The following PTPRD variants were observed in gnomAD, a reference collection of about 807,000 sequenced individuals.
PTPRD encodes the protein protein tyrosine phosphatase receptor type D.
Under a neutral mutation model 214.5 loss-of-function variants are expected in PTPRD, and 34 were observed. The ratio of observed to expected loss-of-function variants is 0.16; its 90% CI spans 0.12 to 0.21. The LOEUF (loss-of-function observed/expected upper bound fraction) is 0.21. PTPRD is among the 10% of genes least tolerant of loss of function. The probability of loss-of-function intolerance (pLI) is 1.00; values close to 1 mark genes in which losing one functional copy is unlikely to be tolerated. For missense variants in PTPRD, 2,545 were observed against 2,398.7 expected, an observed-to-expected ratio of 1.06 and a Z score of -1.27; for synonymous variants, 1,128 against 845.7, an observed-to-expected ratio of 1.33 and a Z score of -5.79.
chr9:9,975,907 A>G (rs954452213), intron 4 of PTPRD, among the ~76,000 whole-genome samples: 1 of 152,214 alleles, frequency 6.6e-6, no homozygotes, highest in African/African-American at 2.4e-5. Context: ...TATTTGGCAT[A>G]CAGTATCCCT....
chr9:9,168,513 T>C (rs1269597632), intron 10 of PTPRD, among the ~76,000 whole-genome samples: 5 of 152,194 alleles, frequency 3.3e-5, no homozygotes, highest in Non-Finnish European at 1.5e-5. Flanking sequence ...CATGGTGTTA[T>C]ATACATTTTG....
At chr9:9,468,263 TATA>T (rs1489324770) in intron 8 of PTPRD, among the ~76,000 whole-genome samples, 2 of 152,044 alleles carry the variant, frequency 1.3e-5, no homozygotes, top group East Asian at 3.9e-4. Flanking sequence ...CTTCATTTCC[TATA>T]ATATTTCAAA....
At chr9:10,351,383 C>A (rs905086477) in intron 2 of PTPRD, among the ~76,000 whole-genome samples, 2 of 152,006 alleles carry the variant, frequency 1.3e-5, no homozygotes, top group Non-Finnish European at 2.9e-5. Flanking sequence ...TCTTTTACTG[C>A]CCAATTACAC....
intron 5 of PTPRD, among the ~76,000 whole-genome samples, chr9:9,846,871 G>A (rs925562947): frequency 3.3e-5 from 5 of 152,036 alleles, no homozygotes; most frequent in Non-Finnish European, 7.4e-5. Context: ...AAGCCCACAG[G>A]AGAATTAAAG....
chr9:10,313,397 T>TACACACACACACACACACACACAC (rs60788124), intron 3 of PTPRD, among the ~76,000 whole-genome samples: 3,118 of 148,350 alleles, frequency 0.021, 137 homozygotes, highest in African/African-American at 0.075. Context: ...AGGTACAGAT[T>TACACACACACACACACACACACAC]ACACACACAC....
chr9:9,041,506 G>C (rs2099639795), intron 10 of PTPRD, among the ~76,000 whole-genome samples: 1 of 152,074 alleles, frequency 6.6e-6, no homozygotes, highest in Non-Finnish European at 1.5e-5. Flanking sequence ...AAGGATAATG[G>C]CCTCTAGCTC....
At chr9:9,316,885 A>T (rs184229175) in intron 9 of PTPRD, among the ~76,000 whole-genome samples, 1 of 152,260 alleles carries the variant, frequency 6.6e-6, no homozygotes, top group East Asian at 1.9e-4. Flanking sequence ...TTGTCTCTTC[A>T]CTGAGAATAT....
At chr9:8,550,657 C>G (rs1448544737) in intron 14 of PTPRD, among the ~76,000 whole-genome samples, 1 of 152,144 alleles carries the variant, frequency 6.6e-6, no homozygotes, top group Non-Finnish European at 1.5e-5. Context: ...CTAAATAAAT[C>G]TAAATCCATA....
At chr9:10,310,377 G>A (rs575124821) in intron 3 of PTPRD, among the ~76,000 whole-genome samples, 139 of 152,048 alleles carry the variant, frequency 9.1e-4, no homozygotes, top group African/African-American at 3.1e-3. Flanking sequence ...GATTTCAGAA[G>A]TACAGAGGCT....
At chr9:10,258,759 C>T (rs1375815085) in intron 3 of PTPRD, among the ~76,000 whole-genome samples, 1 of 152,080 alleles carries the variant, frequency 6.6e-6, no homozygotes, top group Non-Finnish European at 1.5e-5. Flanking sequence ...CTCTCTTTCT[C>T]TCTCTTTCTT....
At chr9:8,321,461 TTGTGTGTGTGTG>T (rs4008233) in intron 44 of PTPRD, among the ~76,000 whole-genome samples, 34 of 86,592 alleles carry the variant, frequency 3.9e-4, no homozygotes, top group African/African-American at 1.7e-3. Context: ...GAAGTCTTCT[TTGTGTGTGTGTG>T]TGTGTGTGTG....
chr9:8,539,566 A>G (rs977853774), intron 14 of PTPRD, among the ~76,000 whole-genome samples: 1 of 152,004 alleles, frequency 6.6e-6, no homozygotes, highest in East Asian at 1.9e-4. Context: ...AGGCTTACAG[A>G]AACAACCTTG....
chr9:9,550,789 G>T (rs1000147828), intron 8 of PTPRD, among the ~76,000 whole-genome samples: 5 of 151,662 alleles, frequency 3.3e-5, no homozygotes, highest in Non-Finnish European at 7.4e-5. Context: ...AGGAGCAAAA[G>T]ACATGAACAG....
chr9:8,817,866 A>G (rs943153972), intron 11 of PTPRD, among the ~76,000 whole-genome samples: 1 of 152,118 alleles, frequency 6.6e-6, no homozygotes, highest in African/African-American at 2.4e-5. Flanking sequence ...ACATTTGACA[A>G]CTAAGACTGG....
In PTPRD at chr9:8,936,427, CAAAAAAAAAAAAA is replaced by C. The variant is rs1181403459; in HGVS notation, c.-104+82257_-104+82269del. Among the ~76,000 whole-genome samples, 7 of 31,640 alleles carry C rather than the reference CAAAAAAAAAAAAA, an allele frequency of 2.2e-4. 2 individuals carry two copies. In the Admixed American group the frequency reaches 4.3e-3, roughly 19 times the overall value. 20.8% of individuals were successfully genotyped at this position (31,640 alleles called of 152,430 possible). On this transcript the variant is annotated intron_variant, in intron 11 of 45. Coordinates refer to ENST00000381196, the MANE Select transcript of PTPRD (RefSeq NM_002839.4). ...AGGCAACAGAGCAAGACCCTGCCTC[CAAAAAAAAAAAAA>C]AAAAAAAAAAGAAGATGAAAAATAA...
At chr9:9,077,549 T>C (rs1447276555) in intron 10 of PTPRD, among the ~76,000 whole-genome samples, 1 of 152,106 alleles carries the variant, frequency 6.6e-6, no homozygotes, top group African/African-American at 2.4e-5. Flanking sequence ...CTTTTTTATG[T>C]TTATAGAGAT....
chr9:8,448,949 T>C (rs541600844), intron 34 of PTPRD, among the ~76,000 whole-genome samples: 8 of 152,256 alleles, frequency 5.3e-5, no homozygotes, highest in African/African-American at 1.7e-4. Flanking sequence ...TAAGATAGGG[T>C]CACTCGGTTT....
chr9:9,125,794 T>C (rs983115872), intron 10 of PTPRD, among the ~76,000 whole-genome samples: 3 of 152,146 alleles, frequency 2.0e-5, no homozygotes, highest in African/African-American at 4.8e-5. Flanking sequence ...AGAGGGGACA[T>C]ACAACACACA....
At chr9:9,112,373 C>T (rs539934918) in intron 10 of PTPRD, among the ~76,000 whole-genome samples, 1 of 152,154 alleles carries the variant, frequency 6.6e-6, no homozygotes, top group Admixed American at 6.6e-5. Flanking sequence ...CCTCTCCAGC[C>T]TCTAACATTC....
Sources: gnomAD v4.1 joint callset for allele counts (sites outside exome capture counted in the v4.1 genomes callset) on GRCh38, gnomAD v4.1.1 for gene constraint, MANE v1.5 for transcripts, NCBI Gene and HGNC (gene_info 2026-07-23, HGNC 2026-07-21) for gene names.